Variants in GRIN2A observed in about 807,000 individuals in gnomAD.
GRIN2A encodes glutamate receptor ionotropic, NMDA 2A.
Under a neutral mutation model 113.4 loss-of-function variants are expected in GRIN2A, and 22 were observed. The observed-to-expected ratio is 0.19, with a 90% confidence interval of 0.14 to 0.28. The LOEUF is 0.28. Among genes scored for constraint, GRIN2A ranks in the 10% least tolerant of loss-of-function variants. GRIN2A has a pLI of 1.00. For missense variants in GRIN2A, 1,502 were observed against 1,887.0 expected (o/e 0.80, Z 3.78); for synonymous variants, 827 against 738.4 (o/e 1.12, Z -1.94).
intron 2 of GRIN2A, among the ~76,000 whole-genome samples, chr16:10,034,534 G>GAAAAA (rs2046988496): frequency 2.2e-4 from 1 of 4,646 alleles, no homozygotes; most frequent in African/African-American, 9.7e-4. Flanking sequence ...TCAAAAAAAA[G>GAAAAA]CAAAAAAAAA....
chr16:9,756,837 AC>A lies in GRIN2A; in HGVS notation c.*6311del. The stretch of plus-strand genomic sequence containing the variant: ...ACAGAGTGACAAAAGCTCCCTCTCC[AC>A]CTCGCCATCCTTCCTGAAATACACC... On this transcript the variant is annotated 3_prime_UTR_variant, in exon 13 of 13. Transcript: ENST00000330684. 1 of 183,388 alleles carries A rather than the reference AC, an allele frequency of 5.5e-6. No individual in the cohort carries two copies. Among genetic ancestry groups the A allele is most frequent in the Non-Finnish European group, 1.2e-5 (1 of 86,256 alleles). The allele number at this position is 183,388 out of a possible 1,614,324, so 11.4% of individuals were successfully genotyped here.
intron 2 of GRIN2A, among the ~76,000 whole-genome samples, chr16:10,034,594 GAGA>G (rs2046991638): frequency 7.1e-6 from 1 of 140,438 alleles, no homozygotes; most frequent in African/African-American, 2.6e-5. Flanking sequence ...GCCACACTTT[GAGA>G]AGGATGTTGA....
chr16:10,034,668 C>G (rs1470022346), intron 2 of GRIN2A, among the ~76,000 whole-genome samples: 3 of 148,118 alleles, frequency 2.0e-5, no homozygotes, highest in Non-Finnish European at 4.5e-5. Context: ...TTTAATAGTC[C>G]CAGGTGGAAG....
At chr16:9,782,891 TAAAC>T (rs1478684213) in intron 11 of GRIN2A, among the ~76,000 whole-genome samples, 2 of 152,276 alleles carry the variant, frequency 1.3e-5, no homozygotes, top group East Asian at 1.9e-4. Context: ...AGGAGGGAAA[TAAAC>T]AAGTCTAATT....
rs375887242 is a variant in GRIN2A at position 9,910,836 on chromosome 16, C to A, written c.1008-19736G>T. ...TACAGGCATGAGCCACTGCACCCAG[C>A]CTTAGAGTTCTTTTGATTCAATCTT... On this transcript the variant is annotated intron_variant, in intron 3 of 12. Coordinates refer to ENST00000330684, the MANE Select transcript of GRIN2A (RefSeq NM_001134407.3). 1.3e-4 allele frequency among the ~76,000 whole-genome samples: 20 copies of A among 152,212 alleles called. No homozygotes were observed. In the South Asian group the frequency reaches 2.9e-3, roughly 22 times the overall value.
chr16:9,988,286 T>TGC (rs2046024383), intron 2 of GRIN2A, among the ~76,000 whole-genome samples: 43 of 114,398 alleles, frequency 3.8e-4, no homozygotes, highest in Admixed American at 2.8e-3. Context: ...TGTGTGTGCG[T>TGC]GTGTGTGTGT....
intron 2 of GRIN2A, among the ~76,000 whole-genome samples, chr16:10,021,879 A>G (rs1046033445): frequency 1.2e-4 from 18 of 152,166 alleles, no homozygotes; most frequent in African/African-American, 4.3e-4. Context: ...TTCTCTTCTC[A>G]GTGGACTCTC....
chr16:9,995,751 C>G (rs1398990431), intron 2 of GRIN2A, among the ~76,000 whole-genome samples: 4 of 152,032 alleles, frequency 2.6e-5, no homozygotes, highest in African/African-American at 9.7e-5. Flanking sequence ...TGAGTGGGTC[C>G]CCCTATATCC....
At chr16:9,803,920 G>T (rs2041914207) in intron 10 of GRIN2A, among the ~76,000 whole-genome samples, 1 of 152,204 alleles carries the variant, frequency 6.6e-6, no homozygotes. Context: ...CTATAAATAA[G>T]CCAAATGTTT....
At chr16:10,095,441 G>C (rs968464030) in intron 2 of GRIN2A, among the ~76,000 whole-genome samples, 1 of 152,084 alleles carries the variant, frequency 6.6e-6, no homozygotes, top group Non-Finnish European at 1.5e-5. Flanking sequence ...AGAATCTTGA[G>C]CCCATGCTAA....
At chr16:10,046,762 A>G (rs1015900875) in intron 2 of GRIN2A, among the ~76,000 whole-genome samples, 4 of 152,214 alleles carry the variant, frequency 2.6e-5, no homozygotes, top group African/African-American at 7.2e-5. Context: ...ATGAAAATGC[A>G]TAATAAACTC....
At chr16:9,948,424 T>C (rs1318858166) in intron 2 of GRIN2A, among the ~76,000 whole-genome samples, 3 of 152,168 alleles carry the variant, frequency 2.0e-5, no homozygotes, top group African/African-American at 7.2e-5. Context: ...AAGCTTTCAG[T>C]AGCAAAGTTC....
At chr16:10,135,852 G>C (rs1302204119) in intron 2 of GRIN2A, among the ~76,000 whole-genome samples, 1 of 152,020 alleles carries the variant, frequency 6.6e-6, no homozygotes, top group Non-Finnish European at 1.5e-5. Context: ...CTGATTATAA[G>C]CTTTAATCAC....
chr16:9,830,498 A>AAAT (rs956799294), intron 8 of GRIN2A, among the ~76,000 whole-genome samples: 2 of 152,136 alleles, frequency 1.3e-5, no homozygotes, highest in African/African-American at 4.8e-5. Context: ...AAAAAAAAAA[A>AAAT]AAATCAACTG....
chr16:9,883,276 A>AT (rs373648538), intron 4 of GRIN2A, among the ~76,000 whole-genome samples: 5 of 152,198 alleles, frequency 3.3e-5, no homozygotes, highest in African/African-American at 1.2e-4. Flanking sequence ...ATACCAACAG[A>AT]TCATAGAGGG....
chr16:10,061,616 G>T (rs1163675799), intron 2 of GRIN2A, among the ~76,000 whole-genome samples: 1 of 152,098 alleles, frequency 6.6e-6, no homozygotes, highest in Admixed American at 6.5e-5. Flanking sequence ...GTCAGTCTGG[G>T]GCAGAGAGAG....
intron 2 of GRIN2A, among the ~76,000 whole-genome samples, chr16:10,174,366 A>G (rs1244682433): frequency 6.6e-6 from 1 of 152,222 alleles, no homozygotes; most frequent in Non-Finnish European, 1.5e-5. Context: ...GCTCTGGCTT[A>G]AAATACACAC....
At chr16:10,044,022 T>TATATATATATATAGAGAGAGAG (rs531659457) in intron 2 of GRIN2A, among the ~76,000 whole-genome samples, 1 of 107,982 alleles carries the variant, frequency 9.3e-6, no homozygotes, top group South Asian at 4.0e-4. Flanking sequence ...TATATATATA[T>TATATATATATATAGAGAGAGAG]AGAGAGAGAG....
At chr16:9,898,788 GTGTTTTTTTTT>G (rs2043858018) in intron 3 of GRIN2A, among the ~76,000 whole-genome samples, 3 of 127,238 alleles carry the variant, frequency 2.4e-5, no homozygotes, top group African/African-American at 1.1e-4. Flanking sequence ...TTTTCACAGA[GTGTTTTTTTTT>G]TGTTTTTTTT....
Sources: gnomAD v4.1 joint callset for allele counts (sites outside exome capture counted in the v4.1 genomes callset) on GRCh38, gnomAD v4.1.1 for gene constraint, MANE v1.5 for transcripts, NCBI Gene and HGNC (gene_info 2026-07-23, HGNC 2026-07-21) for gene names.